The following TAPT1 variants were observed in gnomAD, a reference collection of about 807,000 sequenced individuals.
TAPT1 encodes transmembrane anterior posterior transformation protein 1 homolog.
Under a neutral mutation model 65.6 loss-of-function variants are expected in TAPT1, and 28 were observed. The ratio of observed to expected loss-of-function variants is 0.43; its 90% confidence interval spans 0.32 to 0.59. The LOEUF is 0.59. TAPT1 is among the 20% of genes least tolerant of loss of function. The pLI is 0.09. For synonymous variants in TAPT1, 278 were observed against 245.2 expected (o/e 1.13, Z -1.25); for missense variants, 563 against 679.9 (o/e 0.83, Z 1.91).
chr4:16,214,449 T>C (rs1057335002), intron 1 of TAPT1: 1 of 152,222 alleles, frequency 6.6e-6, no homozygotes, highest in Non-Finnish European at 1.5e-5. Context: ...CAATAGTTAT[T>C]ACGCGAAGTG....
intron 12 of TAPT1, among the ~76,000 whole-genome samples, chr4:16,169,562 C>T (rs1209521731): frequency 6.6e-6 from 1 of 152,188 alleles, no homozygotes; most frequent in Non-Finnish European, 1.5e-5. Flanking sequence ...AAACAAACAA[C>T]AGGCAATGCT....
At chr4:16,200,251 C>T (rs774628997) in intron 3 of TAPT1, among the ~76,000 whole-genome samples, 22 of 152,196 alleles carry the variant, frequency 1.4e-4, no homozygotes, top group African/African-American at 5.3e-4. Context: ...TTGACGCACA[C>T]TGTTGATCAA....
intron 2 of TAPT1, among the ~76,000 whole-genome samples, chr4:16,207,457 G>A (rs1327706718): frequency 1.3e-5 from 2 of 152,070 alleles, no homozygotes; most frequent in Non-Finnish European, 2.9e-5. Flanking sequence ...ACCCCACCAC[G>A]ACCTTCAAAA....
chr4:16,173,575 T>C (rs1414499655), intron 11 of TAPT1, among the ~76,000 whole-genome samples: 3 of 152,272 alleles, frequency 2.0e-5, no homozygotes, highest in African/African-American at 2.4e-5. Context: ...TTCTTGGGTA[T>C]AAAAGCAGGA....
intron 2 of TAPT1, among the ~76,000 whole-genome samples, chr4:16,213,184 C>T (rs1212462752): frequency 6.6e-6 from 1 of 152,216 alleles, no homozygotes; most frequent in Non-Finnish European, 1.5e-5. Context: ...GGAGAAGGGG[C>T]TGCTTTCCCA....
intron 9 of TAPT1, chr4:16,175,031 T>C: frequency 5.1e-6 from 1 of 196,212 alleles, no homozygotes; most frequent in Admixed American, 5.9e-5. Flanking sequence ...TTTTAAGTAG[T>C]GTAATGTATA....
At chr4:16,203,670 A>G (rs1387830816) in intron 2 of TAPT1, among the ~76,000 whole-genome samples, 1 of 152,164 alleles carries the variant, frequency 6.6e-6, no homozygotes, top group Non-Finnish European at 1.5e-5. Flanking sequence ...AGCCAAGAAG[A>G]GGCCTCAGAA....
At chr4:16,194,418 G>T (rs184362799) in intron 3 of TAPT1, among the ~76,000 whole-genome samples, 15 of 152,280 alleles carry the variant, frequency 9.9e-5, no homozygotes, top group Admixed American at 7.8e-4. Flanking sequence ...GTGCAGCAGG[G>T]ATGGAAACTT....
chr4:16,211,742 G>C (rs147244589), intron 2 of TAPT1, among the ~76,000 whole-genome samples: 1 of 151,940 alleles, frequency 6.6e-6, no homozygotes, highest in Non-Finnish European at 1.5e-5. Flanking sequence ...CTTATTCTTA[G>C]TATAGGCAAT....
chr4:16,217,464 A>G (rs1441654988), intron 1 of TAPT1, among the ~76,000 whole-genome samples: 1 of 152,248 alleles, frequency 6.6e-6, no homozygotes, highest in East Asian at 1.9e-4. Context: ...GGAGTCAGGC[A>G]GCAAAGAACA....
chr4:16,170,554 T>C (rs1017122249), intron 12 of TAPT1, 99 bp downstream of exon 12: 1 of 781,484 alleles, frequency 1.3e-6, no homozygotes, highest in South Asian at 1.8e-5. Context: ...ACCCCTGGCA[T>C]AGACTGGGAG....
At chr4:16,226,904 G>A (rs1372932621), upstream of TAPT1, 2 of 317,758 alleles carry the variant, frequency 6.3e-6, no homozygotes, top group Non-Finnish European at 1.2e-5. Context: ...TCTGCGAGGT[G>A]TCCGGCGGTC....
intron 9 of TAPT1, 117 bp downstream of exon 9, chr4:16,176,002 A>T: frequency 1.8e-6 from 1 of 547,340 alleles, no homozygotes; most frequent in Non-Finnish European, 3.2e-6. Context: ...ATTTTTAGAA[A>T]CTTAAAATTA....
At chr4:16,216,376 C>T (rs1560189432) in intron 1 of TAPT1, among the ~76,000 whole-genome samples, 5 of 152,226 alleles carry the variant, frequency 3.3e-5, no homozygotes, top group Admixed American at 3.3e-4. Context: ...CTGTTTCCTA[C>T]ACATGCTTTG....
chr4:16,218,888 G>C (rs1227460705), intron 1 of TAPT1, among the ~76,000 whole-genome samples: 1 of 152,042 alleles, frequency 6.6e-6, no homozygotes, highest in Non-Finnish European at 1.5e-5. Context: ...TATCATCTAA[G>C]TAATTTTCTG....
At chr4:16,221,824 T>C (rs1007517045) in intron 1 of TAPT1, among the ~76,000 whole-genome samples, 20 of 152,208 alleles carry the variant, frequency 1.3e-4, no homozygotes, top group Non-Finnish European at 2.6e-4. Context: ...AATAAGCTTA[T>C]TGAACAGAGA....
chr4:16,184,273 T>C (rs1050750094), intron 7 of TAPT1, among the ~76,000 whole-genome samples: 5 of 152,246 alleles, frequency 3.3e-5, no homozygotes, highest in Non-Finnish European at 7.3e-5. Context: ...ATACATCATG[T>C]ACACTTTTGT....
intron 13 of TAPT1, among the ~76,000 whole-genome samples, chr4:16,164,243 C>T (rs1196219967): frequency 6.6e-6 from 1 of 152,168 alleles, no homozygotes; most frequent in East Asian, 1.9e-4. Flanking sequence ...CACACTACTG[C>T]CATGATGGAG....
rs1221122054 is a variant in TAPT1 at position 16,213,755 on chromosome 4, G to GA, written c.330+12dup. On this transcript the variant is annotated intron_variant, in intron 2 of 13. Transcript: ENST00000405303. Reference sequence around the variant, plus strand: ...TTTCAAAATGATGTCTGGTAATGAAGAAAAAATAGTACCTTTTCCAATTCT... The same window carrying GA: ...TTTCAAAATGATGTCTGGTAATGAAGAAAAAAATAGTACCTTTTCCAATTCT... The GA allele has an allele frequency of 2.6e-6, 4 of 1,540,898 alleles. No homozygotes were observed. In the African/African-American group the frequency reaches 4.3e-5, roughly 17 times the overall value.
Sources: gnomAD v4.1 joint callset for allele counts (sites outside exome capture counted in the v4.1 genomes callset) on GRCh38, gnomAD v4.1.1 for gene constraint, MANE v1.5 for transcripts, NCBI Gene and HGNC (gene_info 2026-07-23, HGNC 2026-07-21) for gene names.